The following LRRIQ1 variants were observed in gnomAD, a reference collection of about 807,000 sequenced individuals.
The protein encoded by LRRIQ1 is leucine rich repeats and IQ motif containing 1.
A neutral mutation model predicts 211.9 loss-of-function variants in LRRIQ1; 210 were observed. That is an observed-to-expected ratio of 0.99 (90% CI 0.89 to 1.11). The LOEUF is 1.11. Among genes scored for constraint, LRRIQ1 ranks in the 50% most tolerant of loss-of-function variants. The pLI is 0.00. For synonymous variants in LRRIQ1, 699 were observed against 650.1 expected, an observed-to-expected ratio of 1.08 and a Z score of -1.14; for missense variants, 2,136 against 1,939.5, an observed-to-expected ratio of 1.10 and a Z score of -1.90.
intron 24 of LRRIQ1, among the ~76,000 whole-genome samples, chr12:85,217,610 G>GTA (rs368931157): frequency 6.7e-5 from 9 of 133,600 alleles, no homozygotes; most frequent in Non-Finnish European, 9.2e-5. Context: ...ATGTATATGT[G>GTA]TATATATATG....
At chr12:85,052,285 GCTTT>G (rs746557598) in intron 7 of LRRIQ1, 34 bp downstream of exon 7, 21 of 1,116,976 alleles carry the variant, frequency 1.9e-5, no homozygotes, top group Middle Eastern at 2.0e-4. Context: ...AGCACATTAA[GCTTT>G]CTTTATTTGA....
chr12:85,079,764 CT>C (rs1884071935), intron 11 of LRRIQ1, among the ~76,000 whole-genome samples: 1 of 151,916 alleles, frequency 6.6e-6, no homozygotes, highest in Non-Finnish European at 1.5e-5. Flanking sequence ...ATTCTGCCTG[CT>C]TTTTTCTTTT....
intron 11 of LRRIQ1, among the ~76,000 whole-genome samples, chr12:85,076,778 TG>T (rs1883709222): frequency 1.9e-5 from 2 of 105,968 alleles, no homozygotes; most frequent in African/African-American, 1.0e-4. Flanking sequence ...ACCTATTCAG[TG>T]ATTTTTTTTT....
rs1245473843 is a variant in LRRIQ1, at chr12:85,195,255, C to T, written c.4823-34262C>T. Among the ~76,000 whole-genome samples the T allele has an allele frequency of 3.3e-5, 5 of 151,970 alleles. No individual in the cohort carries two copies. The East Asian group carries it at 9.7e-4, about 29-fold the overall frequency. On this transcript the variant is annotated intron_variant, in intron 24 of 26. Transcript: ENST00000393217. Reference sequence around the variant, plus strand: ...ATTCTACCAGAGGTACAAGGAGGAACTGGTACCATTCCTTCTGAAACTATT... The same window carrying T: ...ATTCTACCAGAGGTACAAGGAGGAATTGGTACCATTCCTTCTGAAACTATT...
At chr12:85,263,400 A>G (rs1205577520) in exon 2 of LRRIQ1, 1 of 152,112 alleles carries the variant, frequency 6.6e-6, no homozygotes, top group East Asian at 1.9e-4. Context: ...ATACACATAA[A>G]AGAGAATGTA....
intron 24 of LRRIQ1, among the ~76,000 whole-genome samples, chr12:85,197,862 T>A (rs1001987560): frequency 7.5e-6 from 1 of 133,014 alleles, no homozygotes; most frequent in African/African-American, 2.8e-5. Context: ...ATAAATATAA[T>A]AAATATAATA....
chr12:85,124,615 T>G, intron 17 of LRRIQ1, 96 bp downstream of exon 17: 1 of 925,262 alleles, frequency 1.1e-6, no homozygotes, highest in Non-Finnish European at 1.6e-6. Flanking sequence ...GCTGAAGGAT[T>G]CAAATCACAA....
intron 12 of LRRIQ1, 134 bp from the exon 13 acceptor site, chr12:85,098,733 A>C: frequency 1.4e-6 from 1 of 695,224 alleles, no homozygotes. Context: ...ATATTTAAAA[A>C]GTCTTATACC....
At chr12:85,117,026 G>GT (rs1887633823) in intron 15 of LRRIQ1, among the ~76,000 whole-genome samples, 1 of 152,104 alleles carries the variant, frequency 6.6e-6, no homozygotes. Flanking sequence ...TTGCGTGCAT[G>GT]TGGAAAGACT....
chr12:85,055,578 A>C lies in LRRIQ1; in HGVS notation c.785A>C (p.Glu262Ala). The change falls in exon 8 of 27, where the codon GAA becomes GCA. Residue 262 changes from glutamate to alanine, a missense_variant. Glu to Ala is a moderately radical substitution (Grantham distance 107). Transcript: ENST00000393217. The stretch of plus-strand genomic sequence containing the variant: ...ATTAGAAACTTGCATTTACAAATGG[A>C]AGAAGAAAGAACAAGATTTAAAGAC... ...EYIRNLHLQMEEERTRFKDQQ... is the reference protein window; with the variant it reads ...EYIRNLHLQMAEERTRFKDQQ... 6.5e-7 allele frequency: 1 copy of C among 1,549,368 alleles called. No homozygotes were observed. The highest frequency in any genetic ancestry group is 2.3e-5 in the East Asian group (1 of 43,886).
intron 26 of LRRIQ1, among the ~76,000 whole-genome samples, chr12:85,244,588 T>A (rs1203673700): frequency 6.6e-6 from 1 of 151,736 alleles, no homozygotes; most frequent in East Asian, 1.9e-4. Flanking sequence ...CAATCCTCAA[T>A]TTTACAATCG....
At position 85,124,287 on chromosome 12, in the gene LRRIQ1, G is replaced by C. The variant is rs1385218760; in HGVS notation, c.3775G>C (p.Asp1259His). The change falls in exon 17 of 27, where the codon GAC becomes CAC. Residue 1259 changes from aspartate (D) to histidine (H), a missense_variant. Transcript: ENST00000393217. ...FYSCAREGEP[D>H]SPDIPEKWMD... ...CTCTTGTGCACGTGAAGGTGAGCCAGACTCACCAGATATTCCTGAGAAATG... is the reference window on the plus strand; with the variant it reads ...CTCTTGTGCACGTGAAGGTGAGCCACACTCACCAGATATTCCTGAGAAATG... 8 of 1,613,954 alleles carry C rather than the reference G, an allele frequency of 5.0e-6. No individual in the cohort carries two copies. Among genetic ancestry groups the C allele is most frequent in the African/African-American group, 1.3e-5 (1 of 74,906 alleles).
At position 85,056,476 on chromosome 12, in the gene LRRIQ1, A is replaced by G. The variant is rs149668016; in HGVS notation, c.1683A>G (p.Gln561=). Residue 561 remains glutamine (Q), a synonymous_variant, in exon 8 of 27, where the codon CAA becomes CAG. Coordinates refer to ENST00000393217, the MANE Select transcript of LRRIQ1 (RefSeq NM_001079910.2). ...CCCAGATAATATTAGGACATAACCAAGAAATCAGTGAGGTGAAAACCAATG... is the reference window on the plus strand; with the variant it reads ...CCCAGATAATATTAGGACATAACCAGGAAATCAGTGAGGTGAAAACCAATG... ...QKTQIILGHN[Q]EISEVKTNEE... is the part of the protein sequence containing the mutation. 5 of 1,611,274 alleles carry G rather than the reference A, an allele frequency of 3.1e-6. No homozygotes were observed. The African/African-American group carries it at 6.7e-5, about 22-fold the overall frequency.
chr12:85,054,138 T>A (rs773437911), intron 7 of LRRIQ1, among the ~76,000 whole-genome samples: 18 of 152,216 alleles, frequency 1.2e-4, no homozygotes, highest in Non-Finnish European at 2.4e-4. Flanking sequence ...ACATATTTAC[T>A]GGTTTTCTAC....
intron 18 of LRRIQ1, among the ~76,000 whole-genome samples, chr12:85,131,229 T>A (rs1056382921): frequency 1.4e-4 from 21 of 149,542 alleles, no homozygotes; most frequent in South Asian, 8.5e-4. Context: ...AAAAAAAAAA[T>A]TTCAATGGTA....
Position 85,038,326 on chromosome 12 carries a change from G to C in LRRIQ1, c.132+18G>C. 1 of 1,467,378 alleles carries C rather than the reference G, an allele frequency of 6.8e-7. No homozygotes were observed. Among genetic ancestry groups the C allele is most frequent in the Non-Finnish European group, 9.1e-7 (1 of 1,102,536 alleles). 90.9% of individuals were successfully genotyped at this position (1,467,378 alleles called of 1,614,324 possible). A position where few individuals can be genotyped will look rare whatever the true frequency, so the allele number is the denominator to read the frequency against. ...GTGATACAGTGAGTATTGCACTTTTGAGCCTTTTAACAGGAGTAGGCTTTT... is the reference window on the plus strand; with the variant it reads ...GTGATACAGTGAGTATTGCACTTTTCAGCCTTTTAACAGGAGTAGGCTTTT... On this transcript the variant is annotated intron_variant, in intron 2 of 26. Transcript: ENST00000393217.
At chr12:85,209,293 A>C (rs561058064) in intron 24 of LRRIQ1, among the ~76,000 whole-genome samples, 1 of 152,324 alleles carries the variant, frequency 6.6e-6, no homozygotes, top group South Asian at 2.1e-4. Flanking sequence ...AGAAGCAAAC[A>C]CATCCCTCTT....
At chr12:85,050,430 A>G (rs1355858267) in intron 6 of LRRIQ1, among the ~76,000 whole-genome samples, 1 of 152,208 alleles carries the variant, frequency 6.6e-6, no homozygotes, top group Non-Finnish European at 1.5e-5. Flanking sequence ...CTGCATACTC[A>G]GAGAACTTTA....
At chr12:85,083,406 T>C (rs891743472) in intron 11 of LRRIQ1, among the ~76,000 whole-genome samples, 2 of 151,646 alleles carry the variant, frequency 1.3e-5, no homozygotes, top group Admixed American at 6.6e-5. Context: ...TGAACAGAAA[T>C]TTCTGAAAAT....
Sources: gnomAD v4.1 joint callset for allele counts (sites outside exome capture counted in the v4.1 genomes callset) on GRCh38, gnomAD v4.1.1 for gene constraint, MANE v1.5 for transcripts, NCBI Gene and HGNC (gene_info 2026-07-23, HGNC 2026-07-21) for gene names.